DSCAM: variants seen among roughly 807,000 people sequenced by gnomAD.
The protein encoded by DSCAM is DS cell adhesion molecule.
A neutral mutation model predicts 217.7 loss-of-function variants in DSCAM; 47 were observed. That is an observed-to-expected ratio of 0.22 (90% CI 0.17 to 0.28). The LOEUF is 0.28. DSCAM is among the 10% of genes least tolerant of loss of function. DSCAM has a pLI of 1.00. For synonymous variants in DSCAM, 1,056 were observed against 1,015.3 expected (o/e 1.04, Z -0.76); for missense variants, 2,080 against 2,618.3 (o/e 0.79, Z 4.49).
intron 3 of DSCAM, among the ~76,000 whole-genome samples, chr21:40,482,082 C>T (rs186399522): frequency 2.6e-4 from 39 of 152,318 alleles, no homozygotes; most frequent in African/African-American, 9.1e-4. Context: ...AGCCTCTCAC[C>T]TCCTTGTGAG....
At chr21:40,846,205 G>A (rs185641410) in intron 1 of DSCAM, among the ~76,000 whole-genome samples, 3 of 152,202 alleles carry the variant, frequency 2.0e-5, no homozygotes, top group Admixed American at 2.0e-4. Context: ...GAATCTGAAG[G>A]GAGATGTTCC....
At chr21:40,473,459 T>A (rs991365931) in intron 3 of DSCAM, among the ~76,000 whole-genome samples, 11 of 152,204 alleles carry the variant, frequency 7.2e-5, no homozygotes, top group African/African-American at 2.7e-4. Context: ...TCCAACATGA[T>A]AGACTGCGGA....
chr21:40,335,696 C>T (rs1241417522), intron 8 of DSCAM, among the ~76,000 whole-genome samples: 1 of 152,154 alleles, frequency 6.6e-6, no homozygotes, highest in Non-Finnish European at 1.5e-5. Flanking sequence ...AATGGTCAAA[C>T]ATTAAAAATA....
At chr21:40,835,788 G>A (rs1054253112) in intron 1 of DSCAM, among the ~76,000 whole-genome samples, 1 of 152,144 alleles carries the variant, frequency 6.6e-6, no homozygotes, top group Admixed American at 6.5e-5. Flanking sequence ...AGGACACGAT[G>A]TTTTGAAAAA....
At chr21:40,239,711 T>C (rs1380833162) in intron 11 of DSCAM, among the ~76,000 whole-genome samples, 1 of 152,150 alleles carries the variant, frequency 6.6e-6, no homozygotes, top group East Asian at 1.9e-4. Context: ...CCCTCAGAAG[T>C]GGCATAGGTT....
At chr21:40,086,447 GT>G (rs2089532859) in intron 22 of DSCAM, among the ~76,000 whole-genome samples, 1 of 152,110 alleles carries the variant, frequency 6.6e-6, no homozygotes, top group Admixed American at 6.5e-5. Flanking sequence ...TATTTCTACA[GT>G]TTGGTCACTA....
At chr21:40,399,674 C>CA (rs1263276235) in intron 3 of DSCAM, among the ~76,000 whole-genome samples, 1 of 152,152 alleles carries the variant, frequency 6.6e-6, no homozygotes, top group East Asian at 1.9e-4. Context: ...ATGTGCTCAG[C>CA]AAAAAATGCT....
intron 20 of DSCAM, among the ~76,000 whole-genome samples, chr21:40,107,267 T>C (rs779523595): frequency 5.3e-5 from 8 of 152,174 alleles, no homozygotes; most frequent in Non-Finnish European, 8.8e-5. Context: ...TCAATTTCCA[T>C]GTAATTTGTA....
chr21:40,465,188 A>G (rs907910321), intron 3 of DSCAM, among the ~76,000 whole-genome samples: 1 of 152,064 alleles, frequency 6.6e-6, no homozygotes, highest in Non-Finnish European at 1.5e-5. Flanking sequence ...TCTCTTCAAC[A>G]TCCTTTCTCA....
At chr21:40,651,663 C>A (rs1433188410) in intron 3 of DSCAM, among the ~76,000 whole-genome samples, 1 of 152,114 alleles carries the variant, frequency 6.6e-6, no homozygotes, top group African/African-American at 2.4e-5. Flanking sequence ...TCAGTTTCAC[C>A]GCAGCTTTAC....
At chr21:40,827,668 C>T (rs1041977677) in intron 1 of DSCAM, among the ~76,000 whole-genome samples, 7 of 151,994 alleles carry the variant, frequency 4.6e-5, no homozygotes, top group African/African-American at 1.7e-4. Context: ...GTGTACAGAC[C>T]AGCTGCTTGT....
intron 3 of DSCAM, among the ~76,000 whole-genome samples, chr21:40,453,396 A>C (rs1258996983): frequency 6.6e-6 from 1 of 152,222 alleles, no homozygotes; most frequent in African/African-American, 2.4e-5. Context: ...TGACAGCTGC[A>C]ATCCTGACAG....
intron 9 of DSCAM, among the ~76,000 whole-genome samples, chr21:40,301,841 C>T (rs761489299): frequency 1.3e-5 from 2 of 152,162 alleles, no homozygotes; most frequent in Admixed American, 6.5e-5. Flanking sequence ...TAACGCAGAT[C>T]AGGGTGACCC....
intron 3 of DSCAM, among the ~76,000 whole-genome samples, chr21:40,435,271 T>C (rs1343349804): frequency 6.6e-6 from 1 of 152,248 alleles, no homozygotes; most frequent in Non-Finnish European, 1.5e-5. Context: ...TGCAGCCTTG[T>C]TGCTAGATGA....
intron 3 of DSCAM, among the ~76,000 whole-genome samples, chr21:40,556,795 A>T (rs939241396): frequency 3.3e-5 from 5 of 152,174 alleles, no homozygotes; most frequent in African/African-American, 1.2e-4. Flanking sequence ...ACCTCCTACT[A>T]GGCCCCACCT....
rs374933192 is a variant in DSCAM, at chr21:40,682,830, G to A, written c.508+9980C>T. Among the ~76,000 whole-genome samples the A allele has an allele frequency of 2.6e-3, 183 of 69,898 alleles. 24 individuals are homozygous for A. The highest frequency in any genetic ancestry group is 4.2e-3 in the East Asian group (8 of 1,892). The allele number at this position is 69,898 out of a possible 152,430, so 45.9% of individuals were successfully genotyped here. A position where few individuals can be genotyped will look rare whatever the true frequency, so the allele number is the denominator to read the frequency against. ...GAAGGGAAGGGAAGGGAAGGGAAGG[G>A]AAGGGAAGGGAAGGGAAGGGAAGGG... On this transcript the variant is annotated intron_variant, in intron 3 of 32. Transcript: ENST00000400454.
At chr21:40,550,807 T>G (rs1309174852) in intron 3 of DSCAM, among the ~76,000 whole-genome samples, 1 of 152,188 alleles carries the variant, frequency 6.6e-6, no homozygotes, top group Admixed American at 6.5e-5. Flanking sequence ...ATAACATTTA[T>G]GGACAGAAAA....
intron 3 of DSCAM, among the ~76,000 whole-genome samples, chr21:40,540,148 C>T (rs1219852509): frequency 6.6e-6 from 1 of 152,116 alleles, no homozygotes; most frequent in Non-Finnish European, 1.5e-5. Context: ...GCTTCTGGGC[C>T]GTTCCTCCTA....
chr21:40,789,957 A>G (rs902461613), intron 1 of DSCAM, among the ~76,000 whole-genome samples: 9 of 152,138 alleles, frequency 5.9e-5, no homozygotes, highest in Non-Finnish European at 8.8e-5. Flanking sequence ...GACCACACAA[A>G]GTCTATATGG....
Sources: gnomAD v4.1 joint callset for allele counts (sites outside exome capture counted in the v4.1 genomes callset) on GRCh38, gnomAD v4.1.1 for gene constraint, MANE v1.5 for transcripts, NCBI Gene and HGNC (gene_info 2026-07-23, HGNC 2026-07-21) for gene names.